The following CHCHD3 variants were observed in gnomAD, a reference collection of about 807,000 sequenced individuals.
CHCHD3 encodes the protein MICOS complex subunit MIC19.
CHCHD3 carries 20 observed loss-of-function variants against 38.2 expected under a neutral mutation model. The ratio of observed to expected loss-of-function variants is 0.52; its 90% CI spans 0.37 to 0.76. The LOEUF is 0.76. Ranked by LOEUF, CHCHD3 falls within the 30% of genes least tolerant of loss-of-function variation. The pLI is 0.00. For synonymous variants in CHCHD3, 82 were observed against 100.0 expected, an observed-to-expected ratio of 0.82 and a Z score of 1.07; for missense variants, 245 against 279.2, an observed-to-expected ratio of 0.88 and a Z score of 0.87.
At chr7:132,890,937 G>T (rs1254552520) in intron 4 of CHCHD3, among the ~76,000 whole-genome samples, 1 of 152,142 alleles carries the variant, frequency 6.6e-6, no homozygotes, top group East Asian at 1.9e-4. Context: ...GTAGGAAAAA[G>T]AGCTTTATTT....
intron 6 of CHCHD3, among the ~76,000 whole-genome samples, chr7:132,819,772 AG>A (rs1448162633): frequency 2.0e-5 from 3 of 152,338 alleles, no homozygotes; most frequent in Middle Eastern, 3.4e-3. Context: ...CACATGAGAC[AG>A]GTCCTAACAA....
At chr7:132,803,230 T>G (rs1015612313) in intron 6 of CHCHD3, among the ~76,000 whole-genome samples, 7 of 152,184 alleles carry the variant, frequency 4.6e-5, no homozygotes, top group African/African-American at 1.7e-4. Flanking sequence ...GGTATTGGAA[T>G]GAAACTGTTA....
intron 4 of CHCHD3, among the ~76,000 whole-genome samples, chr7:132,951,949 G>A (rs1049053661): frequency 2.0e-5 from 3 of 152,208 alleles, no homozygotes; most frequent in Non-Finnish European, 4.4e-5. Context: ...CTAATAGGAA[G>A]GAGGTGGCAT....
rs183227397 is a variant in CHCHD3, at chr7:132,863,653, G to A, written c.453+22009C>T. 2.6e-3 allele frequency among the ~76,000 whole-genome samples: 398 copies of A among 152,314 alleles called. 4 individuals are homozygous for A. The highest frequency in any genetic ancestry group is 9.1e-3 in the African/African-American group (378 of 41,572). On this transcript the variant is annotated intron_variant, in intron 5 of 7. Transcript: ENST00000262570. Reference sequence around the variant, plus strand: ...AAAGTTCTAGACAGAATCTTCTTCCGATAGAAGGCTGTTTCACCTTCATTG... The same window carrying A: ...AAAGTTCTAGACAGAATCTTCTTCCAATAGAAGGCTGTTTCACCTTCATTG...
At chr7:133,045,807 G>T (rs1282059078) in intron 2 of CHCHD3, among the ~76,000 whole-genome samples, 1 of 152,024 alleles carries the variant, frequency 6.6e-6, no homozygotes, top group East Asian at 1.9e-4. Context: ...TTCTTATAGT[G>T]AGTTCTCATG....
At position 133,031,709 on chromosome 7, in the gene CHCHD3, A is replaced by C. The variant is rs73724156; in HGVS notation, c.170-7082T>G. On this transcript the variant is annotated intron_variant, in intron 2 of 7. Transcript: ENST00000262570. Reference sequence around the variant, plus strand: ...CAATTTTGTAAAGTCTATTATTTTCATGTGCTAGTTTAAACACACTAAAGA... The same window carrying C: ...CAATTTTGTAAAGTCTATTATTTTCCTGTGCTAGTTTAAACACACTAAAGA... Among the ~76,000 whole-genome samples, 682 of 152,234 alleles carry C rather than the reference A, an allele frequency of 4.5e-3. 5 individuals are homozygous for C. The highest frequency in any genetic ancestry group is 0.016 in the African/African-American group (650 of 41,546).
chr7:132,987,754 A>C (rs902442066), intron 3 of CHCHD3, among the ~76,000 whole-genome samples: 1 of 152,112 alleles, frequency 6.6e-6, no homozygotes, highest in Non-Finnish European at 1.5e-5. Context: ...ATTTTTAGAG[A>C]AACTAAAAAA....
intron 5 of CHCHD3, among the ~76,000 whole-genome samples, chr7:132,884,528 C>T (rs1160275151): frequency 2.6e-5 from 4 of 152,086 alleles, no homozygotes; most frequent in Admixed American, 6.6e-5. Flanking sequence ...GTACTCAGTT[C>T]GGTAACATAT....
chr7:132,797,356 C>G (rs187051433), intron 6 of CHCHD3, among the ~76,000 whole-genome samples: 27 of 152,332 alleles, frequency 1.8e-4, no homozygotes, highest in Middle Eastern at 3.4e-3. Context: ...TCCTTTGATA[C>G]TTCACTCAAG....
At chr7:132,916,566 T>C (rs1488744662) in intron 4 of CHCHD3, among the ~76,000 whole-genome samples, 1 of 152,218 alleles carries the variant, frequency 6.6e-6, no homozygotes, top group Non-Finnish European at 1.5e-5. Flanking sequence ...TTATTAGTTA[T>C]TGCTATTAAT....
At chr7:132,842,059 T>C (rs905077567) in intron 5 of CHCHD3, among the ~76,000 whole-genome samples, 1 of 151,956 alleles carries the variant, frequency 6.6e-6, no homozygotes, top group African/African-American at 2.4e-5. Flanking sequence ...GATCGCGCCA[T>C]TGCATTCCAG....
At chr7:133,029,751 T>C (rs1813449304) in intron 2 of CHCHD3, among the ~76,000 whole-genome samples, 1 of 152,120 alleles carries the variant, frequency 6.6e-6, no homozygotes, top group South Asian at 2.1e-4. Flanking sequence ...TATCCCCTTC[T>C]CCCTACTATC....
intron 4 of CHCHD3, among the ~76,000 whole-genome samples, chr7:132,947,202 T>C (rs1047954642): frequency 6.6e-6 from 1 of 152,004 alleles, no homozygotes. Context: ...TTTATTATTA[T>C]CATAGTTGAA....
rs1423262295 is a variant in CHCHD3 at position 132,985,413 on chromosome 7, C to T, written c.252-10127G>A. On this transcript the variant is annotated intron_variant, in intron 3 of 7. Coordinates refer to ENST00000262570, the MANE Select transcript of CHCHD3 (RefSeq NM_017812.4). ...CCCCCGCCCGGCCAGCCGCCCTATCCGGGAGGTGAGGGGCGCCTCTGCCCG... is the reference window on the plus strand; with the variant it reads ...CCCCCGCCCGGCCAGCCGCCCTATCTGGGAGGTGAGGGGCGCCTCTGCCCG... Among the ~76,000 whole-genome samples, 8 of 77,024 alleles carry T rather than the reference C, an allele frequency of 1.0e-4. 1 individual carries two copies. Among genetic ancestry groups the T allele is most frequent in the Non-Finnish European group, 1.1e-4 (4 of 36,564 alleles). 50.5% of individuals were successfully genotyped at this position (77,024 alleles called of 152,430 possible). A position where few individuals can be genotyped will look rare whatever the true frequency, so the allele number is the denominator to read the frequency against.
At chr7:132,993,851 T>G (rs1336006027) in intron 3 of CHCHD3, among the ~76,000 whole-genome samples, 4 of 152,200 alleles carry the variant, frequency 2.6e-5, no homozygotes, top group Non-Finnish European at 5.9e-5. Flanking sequence ...ATGGCTCACA[T>G]CTGTCGTCAG....
intron 2 of CHCHD3, among the ~76,000 whole-genome samples, chr7:133,055,462 TTA>T (rs1424755797): frequency 1.4e-5 from 2 of 145,500 alleles, no homozygotes; most frequent in African/African-American, 2.5e-5. Flanking sequence ...TTAATTATAA[TTA>T]TGTTATGTAA....
At chr7:132,803,547 C>A (rs1341931497) in intron 6 of CHCHD3, among the ~76,000 whole-genome samples, 1 of 151,896 alleles carries the variant, frequency 6.6e-6, no homozygotes, top group African/African-American at 2.4e-5. Flanking sequence ...ACCCTCGAGG[C>A]TTTGTGAGTT....
chr7:132,924,712 C>A (rs751194642), intron 4 of CHCHD3, among the ~76,000 whole-genome samples: 1 of 152,154 alleles, frequency 6.6e-6, no homozygotes, highest in Non-Finnish European at 1.5e-5. Context: ...TAAATAGAAA[C>A]AAGTAATATT....
chr7:132,955,173 G>GGGGGGT (rs138213006), intron 4 of CHCHD3, among the ~76,000 whole-genome samples: 4 of 126,290 alleles, frequency 3.2e-5, no homozygotes, highest in African/African-American at 9.0e-5. Flanking sequence ...TCCCTCAGAG[G>GGGGGGT]GTGTGTGTGT....
Sources: gnomAD v4.1 joint callset for allele counts (sites outside exome capture counted in the v4.1 genomes callset) on GRCh38, gnomAD v4.1.1 for gene constraint, MANE v1.5 for transcripts, NCBI Gene and HGNC (gene_info 2026-07-23, HGNC 2026-07-21) for gene names.